The following TNKS variants were observed in gnomAD, a reference collection of about 807,000 sequenced individuals.
TNKS encodes tankyrase.
Under a neutral mutation model 135.8 loss-of-function variants are expected in TNKS, and 72 were observed. The ratio of observed to expected loss-of-function variants is 0.53; its 90% confidence interval spans 0.44 to 0.64. The LOEUF is 0.64. Among genes scored for constraint, TNKS ranks in the 30% least tolerant of loss-of-function variants. The probability of loss-of-function intolerance (pLI) is 0.00; values close to 1 mark genes in which losing one functional copy is unlikely to be tolerated. For missense variants in TNKS, 1,769 were observed against 1,674.0 expected, an observed-to-expected ratio of 1.06 and a Z score of -0.99; for synonymous variants, 849 against 649.3, an observed-to-expected ratio of 1.31 and a Z score of -4.68.
chr8:9,750,125 G>C lies in TNKS; in HGVS notation c.2833-1484G>C, dbSNP rs542537402. On this transcript the variant is annotated intron_variant, in intron 18 of 26. Transcript: ENST00000310430. ...TTTGAAGCTCTTTCATCTAGCCAAG[G>C]GAATTCACAAGGTACCACCTTAGAG... is the stretch of plus-strand genomic sequence containing the variant. Among the ~76,000 whole-genome samples the C allele has an allele frequency of 1.5e-4, 23 of 152,242 alleles. No homozygotes were observed. The South Asian group carries it at 4.8e-3, about 32-fold the overall frequency.
At chr8:9,650,312 C>G (rs755821101) in intron 3 of TNKS, among the ~76,000 whole-genome samples, 7 of 152,104 alleles carry the variant, frequency 4.6e-5, no homozygotes, top group Non-Finnish European at 1.0e-4. Context: ...CGTATAATGA[C>G]TTACTTTCCT....
rs551264728 is a variant in TNKS at position 9,704,957 on chromosome 8, A to G, written c.1202+200A>G. 9.2e-5 allele frequency among the ~76,000 whole-genome samples: 14 copies of G among 152,304 alleles called. No homozygotes were observed. In the East Asian group the frequency reaches 2.7e-3, roughly 29 times the overall value. On this transcript the variant is annotated intron_variant, in intron 6 of 26. Transcript: ENST00000310430. ...CTTCTCATAATAATTTCCCAAATCA[A>G]TTTAATTTTATCACCGTTCTGTTAC...
intron 2 of TNKS, among the ~76,000 whole-genome samples, chr8:9,583,400 C>G (rs73195525): frequency 1.4e-4 from 21 of 152,044 alleles, no homozygotes; most frequent in Non-Finnish European, 2.5e-4. Flanking sequence ...CATTTTCTGC[C>G]TTTAGAACTT....
chr8:9,558,643 G>A (rs1278121380), intron 1 of TNKS: 2 of 152,058 alleles, frequency 1.3e-5, no homozygotes, highest in Non-Finnish European at 2.9e-5. Flanking sequence ...TCTTCTATTT[G>A]CCACAATAGT....
chr8:9,592,182 T>C (rs973467724), intron 2 of TNKS, among the ~76,000 whole-genome samples: 2 of 152,232 alleles, frequency 1.3e-5, no homozygotes, highest in Non-Finnish European at 2.9e-5. Flanking sequence ...AAATAGGCTG[T>C]TTTTAATAGC....
At chr8:9,750,713 A>G (rs562785407) in intron 18 of TNKS, among the ~76,000 whole-genome samples, 1 of 152,174 alleles carries the variant, frequency 6.6e-6, no homozygotes, top group East Asian at 1.9e-4. Context: ...GCTGCCCACT[A>G]AGCCACCCCC....
At chr8:9,590,765 C>A (rs757425861) in intron 2 of TNKS, among the ~76,000 whole-genome samples, 3 of 152,120 alleles carry the variant, frequency 2.0e-5, no homozygotes, top group Non-Finnish European at 4.4e-5. Context: ...AATTGGCTGT[C>A]TTTTCATTAT....
intron 3 of TNKS, among the ~76,000 whole-genome samples, chr8:9,644,890 T>C (rs983871316): frequency 2.0e-5 from 3 of 152,170 alleles, no homozygotes; most frequent in African/African-American, 7.2e-5. Flanking sequence ...TTACAGAAGA[T>C]CTTCAGCAGT....
At position 9,590,335 on chromosome 8, in the gene TNKS, C is replaced by G. The variant is rs569707031; in HGVS notation, c.898+9952C>G. On this transcript the variant is annotated intron_variant, in intron 2 of 26. Coordinates refer to ENST00000310430, the MANE Select transcript of TNKS (RefSeq NM_003747.3). Reference sequence around the variant, plus strand: ...CGGTACTCTTTCCCCAGATTTTTCACTAATAATGTTAATTCATCTGAGTTG... The same window carrying G: ...CGGTACTCTTTCCCCAGATTTTTCAGTAATAATGTTAATTCATCTGAGTTG... 3.3e-5 allele frequency among the ~76,000 whole-genome samples: 5 copies of G among 152,280 alleles called. No individual in the cohort carries two copies. The East Asian group carries it at 9.6e-4, about 29-fold the overall frequency.
chr8:9,649,062 G>A (rs1196672930), intron 3 of TNKS, among the ~76,000 whole-genome samples: 1 of 152,118 alleles, frequency 6.6e-6, no homozygotes, highest in Non-Finnish European at 1.5e-5. Context: ...GAATGAAATT[G>A]TTATGCTACT....
intron 1 of TNKS, among the ~76,000 whole-genome samples, chr8:9,562,207 A>T (rs1797366029): frequency 6.6e-6 from 1 of 152,010 alleles, no homozygotes; most frequent in Non-Finnish European, 1.5e-5. Flanking sequence ...TTTATTATTA[A>T]GTTTAAGAGT....
chr8:9,602,481 C>A (rs1337335817), intron 2 of TNKS, among the ~76,000 whole-genome samples: 3 of 152,158 alleles, frequency 2.0e-5, no homozygotes, highest in African/African-American at 7.2e-5. Flanking sequence ...CTCTCTTGTT[C>A]CCAGGGTATC....
At chr8:9,756,835 ATTC>A (rs1319175949) in intron 20 of TNKS, among the ~76,000 whole-genome samples, 3 of 152,086 alleles carry the variant, frequency 2.0e-5, no homozygotes, top group African/African-American at 7.2e-5. Context: ...TCTTCTTCTT[ATTC>A]CCAGTTGCCT....
intron 13 of TNKS, among the ~76,000 whole-genome samples, chr8:9,728,733 C>T (rs1443263411): frequency 6.6e-6 from 1 of 152,018 alleles, no homozygotes; most frequent in Non-Finnish European, 1.5e-5. Flanking sequence ...ACTCATTTGT[C>T]ATGAAAAGAT....
intron 3 of TNKS, among the ~76,000 whole-genome samples, chr8:9,655,547 C>T (rs1801324085): frequency 6.6e-6 from 1 of 152,156 alleles, no homozygotes; most frequent in Non-Finnish European, 1.5e-5. Flanking sequence ...GACAAAACCT[C>T]CAGAAGAACG....
At chr8:9,563,413 C>G (rs868707757) in intron 1 of TNKS, among the ~76,000 whole-genome samples, 1 of 152,084 alleles carries the variant, frequency 6.6e-6, no homozygotes, top group Non-Finnish European at 1.5e-5. Context: ...TATGGTCCCT[C>G]TCATAGCTAC....
chr8:9,773,014 T>TGTAA (rs926468209), intron 26 of TNKS, among the ~76,000 whole-genome samples: 1 of 151,696 alleles, frequency 6.6e-6, no homozygotes, highest in Non-Finnish European at 1.5e-5. Flanking sequence ...GCAACTTACT[T>TGTAA]GTAAGTTGGT....
intron 3 of TNKS, among the ~76,000 whole-genome samples, chr8:9,620,402 A>G (rs2128767339): frequency 6.6e-6 from 1 of 152,312 alleles, no homozygotes; most frequent in South Asian, 2.1e-4. Context: ...CAGTAGCCTC[A>G]TAATGGATCT....
chr8:9,774,212 G>C (rs937545666), intron 26 of TNKS, among the ~76,000 whole-genome samples: 19 of 152,140 alleles, frequency 1.2e-4, no homozygotes, highest in African/African-American at 4.6e-4. Flanking sequence ...TCTGCTCATT[G>C]GTTTCTCCAG....
Sources: allele counts gnomAD v4.1 joint callset (sites outside exome capture counted in the v4.1 genomes callset), GRCh38; gene constraint gnomAD v4.1.1; transcripts MANE v1.5; gene names NCBI Gene and HGNC (gene_info 2026-07-23, HGNC 2026-07-21).